DBNDD1: variants seen among roughly 807,000 people sequenced by gnomAD.
DBNDD1 encodes dysbindin domain-containing protein 1.
DBNDD1 carries 14 observed loss-of-function variants against 17.0 expected under a neutral mutation model. That is an observed-to-expected ratio of 0.82 (90% CI 0.54 to 1.29). The LOEUF is 1.29. DBNDD1 is among the 50% of genes most tolerant of loss of function. The pLI is 0.00. For missense variants in DBNDD1, 221 were observed against 216.2 expected, an observed-to-expected ratio of 1.02 and a Z score of -0.14; for synonymous variants, 105 against 102.0, an observed-to-expected ratio of 1.03 and a Z score of -0.18.
chr16:90,006,080 G>C lies in DBNDD1; in HGVS notation c.*255C>G, dbSNP rs1461109267. ...AAGGCCACTGGGCTGTGCTTGTGCT[G>C]GGGCTCCCAGAGGCATCCGGGGGCC... On this transcript the variant is annotated 3_prime_UTR_variant, in exon 4 of 4. Coordinates refer to ENST00000002501, the MANE Select transcript of DBNDD1 (RefSeq NM_001042610.3). 1 of 477,064 alleles carries C rather than the reference G, an allele frequency of 2.1e-6. No homozygotes were observed. The highest frequency in any genetic ancestry group is 2.8e-5 in the South Asian group (1 of 35,102). The allele number at this position is 477,064 out of a possible 1,614,324, so 29.6% of individuals were successfully genotyped here. A position where few individuals can be genotyped will look rare whatever the true frequency, so the allele number is the denominator to read the frequency against.
Position 90,006,229 on chromosome 16 carries a change from T to TGGA in DBNDD1, c.*103_*105dup. On this transcript the variant is annotated 3_prime_UTR_variant, in exon 4 of 4. Coordinates refer to ENST00000002501, the MANE Select transcript of DBNDD1 (RefSeq NM_001042610.3). ...AGGGTGTGTGTCAGGAGGTGACGGC[T>TGGA]GGAGCCTCGTGGGCGGGTGAAGTGT... is the stretch of plus-strand genomic sequence containing the variant. The TGGA allele has an allele frequency of 7.0e-7, 1 of 1,426,820 alleles. No homozygotes were observed. The highest frequency in any genetic ancestry group is 9.4e-7 in the Non-Finnish European group (1 of 1,069,364). The allele number at this position is 1,426,820 out of a possible 1,614,324, so 88.4% of individuals were successfully genotyped here. A position where few individuals can be genotyped will look rare whatever the true frequency, so the allele number is the denominator to read the frequency against.
intron 3 of DBNDD1, 91 bp from the exon 4 acceptor site, chr16:90,006,583 T>TCCTGC: frequency 6.8e-7 from 1 of 1,472,310 alleles, no homozygotes; most frequent in East Asian, 2.4e-5. Flanking sequence ...CCTGCGCCAC[T>TCCTGC]CCTGCCAATG....
At chr16:90,019,546 C>A (rs545538239), upstream of DBNDD1, 215 of 160,590 alleles carry the variant, frequency 1.3e-3, 3 homozygotes, top group African/African-American at 4.7e-3. The surrounding 1 kb of genome is among the most constrained non-coding windows in gnomAD (Gnocchi z 6.1). Context: ...CCGGCGCCCC[C>A]CCAGCCGCAG....
At chr16:90,018,005 A>G (rs1333154515) in intron 1 of DBNDD1, among the ~76,000 whole-genome samples, 1 of 152,174 alleles carries the variant, frequency 6.6e-6, no homozygotes, top group Non-Finnish European at 1.5e-5. Flanking sequence ...TTTTTCCCAA[A>G]GGAGGAGGGA....
chr16:90,009,444 C>T lies in DBNDD1; in HGVS notation c.32-14G>A. 2 of 1,608,518 alleles carry T rather than the reference C, an allele frequency of 1.2e-6. No individual in the cohort carries two copies. The highest frequency in any genetic ancestry group is 1.7e-6 in the Non-Finnish European group (2 of 1,179,926). The stretch of plus-strand genomic sequence containing the variant: ...CCTTAACGATCTCTGCATCCAAAGA[C>T]ACAGTGTCACCTTGAGATCCACAGG... On this transcript the variant is annotated splice_polypyrimidine_tract_variant and intron_variant, in intron 1 of 3. Coordinates refer to ENST00000002501, the MANE Select transcript of DBNDD1 (RefSeq NM_001042610.3).
At chr16:90,017,743 A>C (rs1324759427) in intron 1 of DBNDD1, among the ~76,000 whole-genome samples, 1 of 152,202 alleles carries the variant, frequency 6.6e-6, no homozygotes, top group African/African-American at 2.4e-5. Flanking sequence ...GAGGTTCCAC[A>C]AAGTAGGCAT....
At position 90,006,316 on chromosome 16, in the gene DBNDD1, TGGGGCA is replaced by T. The variant is rs1350548633; in HGVS notation, c.*13_*18del. 6.3e-7 allele frequency: 1 copy of T among 1,593,972 alleles called. No homozygotes were observed. The highest frequency in any genetic ancestry group is 1.3e-5 in the African/African-American group (1 of 74,664). ...GTTCGGACCCCATCCCTGCAGGAGC[TGGGGCA>T]GGTGGAGATGGTCTAGTCCTCCTGG... is the stretch of plus-strand genomic sequence containing the variant. On this transcript the variant is annotated 3_prime_UTR_variant, in exon 4 of 4. Coordinates refer to ENST00000002501, the MANE Select transcript of DBNDD1 (RefSeq NM_001042610.3).
chr16:90,018,706 C>G (rs1439732963), intron 1 of DBNDD1, among the ~76,000 whole-genome samples: 3 of 152,184 alleles, frequency 2.0e-5, no homozygotes, highest in Non-Finnish European at 2.9e-5. Context: ...AGGGAGCGCT[C>G]CACGCGCACC....
intron 1 of DBNDD1, among the ~76,000 whole-genome samples, chr16:90,014,190 G>T (rs928804893): frequency 6.6e-6 from 1 of 151,636 alleles, no homozygotes; most frequent in Admixed American, 6.6e-5. Context: ...GCAATGGCGC[G>T]ATCTCTGCTC....
chr16:90,008,760 G>T, intron 3 of DBNDD1, 24 bp downstream of exon 3: 1 of 1,584,864 alleles, frequency 6.3e-7, no homozygotes, highest in East Asian at 2.3e-5. Flanking sequence ...ACACCTCCCA[G>T]CCCAGCCCTG....
intron 1 of DBNDD1, among the ~76,000 whole-genome samples, chr16:90,014,029 C>T (rs191367020): frequency 9.9e-5 from 15 of 152,086 alleles, no homozygotes; most frequent in East Asian, 1.9e-4. Flanking sequence ...GTGTGGAGAT[C>T]GTCAGGACTT....
chr16:90,014,712 A>C (rs1165056166), intron 1 of DBNDD1, among the ~76,000 whole-genome samples: 1 of 152,116 alleles, frequency 6.6e-6, no homozygotes, highest in Non-Finnish European at 1.5e-5. Context: ...ACTCTTAAGA[A>C]GTATCCTTTC....
At chr16:90,006,565 G>A (rs2035431761) in intron 3 of DBNDD1, 73 bp from the exon 4 acceptor site, 4 of 1,529,050 alleles carry the variant, frequency 2.6e-6, no homozygotes, top group East Asian at 4.7e-5. Context: ...TCCAGGTGCC[G>A]CCGGCCTCCT....
Position 90,005,709 on chromosome 16 carries a change from C to G in DBNDD1, c.*626G>C, listed in dbSNP as rs923052079. ...AGAGAAGCAGGTGCAGGTCTTAGAG[C>G]TGAGCCTTGGGGAGGGGACCCTAGT... is the stretch of plus-strand genomic sequence containing the variant. On this transcript the variant is annotated 3_prime_UTR_variant, in exon 4 of 4. Coordinates refer to ENST00000002501, the MANE Select transcript of DBNDD1 (RefSeq NM_001042610.3). 6.5e-5 allele frequency: 10 copies of G among 153,082 alleles called. No individual in the cohort carries two copies. The highest frequency in any genetic ancestry group is 2.4e-4 in the African/African-American group (10 of 41,440). The allele number at this position is 153,082 out of a possible 1,614,324, so 9.5% of individuals were successfully genotyped here.
At chr16:90,009,260 C>A in intron 2 of DBNDD1, 24 bp downstream of exon 2, 1 of 1,610,880 alleles carries the variant, frequency 6.2e-7, no homozygotes, top group Non-Finnish European at 8.5e-7. Flanking sequence ...CCATAGCGTG[C>A]GCTGGGCAGG....
In DBNDD1 at chr16:90,006,238, G is replaced by T; in HGVS notation, c.*97C>A. The stretch of plus-strand genomic sequence containing the variant: ...GTCAGGAGGTGACGGCTGGAGCCTC[G>T]TGGGCGGGTGAAGTGTGTCTGCTGG... On this transcript the variant is annotated 3_prime_UTR_variant, in exon 4 of 4. Transcript: ENST00000002501. The T allele has an allele frequency of 6.9e-7, 1 of 1,449,474 alleles. No homozygotes were observed. Among genetic ancestry groups the T allele is most frequent in the Non-Finnish European group, 9.2e-7 (1 of 1,086,318 alleles). The allele number at this position is 1,449,474 out of a possible 1,614,324, so 89.8% of individuals were successfully genotyped here.
intron 3 of DBNDD1, chr16:90,007,186 C>G (rs1238715064): frequency 6.6e-6 from 1 of 152,430 alleles, no homozygotes; most frequent in East Asian, 1.9e-4. Context: ...TCATGAGGCC[C>G]CATTCCCTCC....
chr16:90,013,111 TTAA>T (rs931494840), intron 1 of DBNDD1, among the ~76,000 whole-genome samples: 4 of 151,254 alleles, frequency 2.6e-5, no homozygotes, highest in Admixed American at 6.6e-5. Flanking sequence ...TGGTTCTGTG[TTAA>T]TAATGACAGC....
intron 1 of DBNDD1, among the ~76,000 whole-genome samples, chr16:90,012,327 C>T (rs539052568): frequency 8.5e-5 from 13 of 152,292 alleles, no homozygotes; most frequent in African/African-American, 3.1e-4. Flanking sequence ...TCTTACCTCC[C>T]CAGGTTTACA....
Sources: allele counts gnomAD v4.1 joint callset (sites outside exome capture counted in the v4.1 genomes callset), GRCh38; gene constraint gnomAD v4.1.1; non-coding constraint Gnocchi (gnomAD v3.1); transcripts MANE v1.5; gene names NCBI Gene and HGNC (gene_info 2026-07-23, HGNC 2026-07-21).